RBFOX1: variants seen among roughly 807,000 people sequenced by gnomAD.
RBFOX1 encodes RNA binding fox-1 homolog 1.
RBFOX1 carries 8 observed loss-of-function variants against 57.7 expected under a neutral mutation model. That is an observed-to-expected ratio of 0.14 (90% CI 0.08 to 0.25). The LOEUF (loss-of-function observed/expected upper bound fraction) is 0.25. Ranked by LOEUF, RBFOX1 falls within the 10% of genes least tolerant of loss-of-function variation. The probability of loss-of-function intolerance (pLI) is 1.00; values close to 1 mark genes in which losing one functional copy is unlikely to be tolerated. For synonymous variants in RBFOX1, 326 were observed against 222.4 expected, an observed-to-expected ratio of 1.47 and a Z score of -4.15; for missense variants, 611 against 548.5, an observed-to-expected ratio of 1.11 and a Z score of -1.14.
In RBFOX1 at chr16:6,832,728, C is replaced by G. The variant is rs543856709; in HGVS notation, c.-16+178078C>G. On this transcript the variant is annotated intron_variant, in intron 3 of 15. Transcript: ENST00000550418. ...CCCTTTTTCCATTACTGGGAAGGGT[C>G]TATCTTTGCAGCTCTCTGTAACTGT... Among the ~76,000 whole-genome samples, 5 of 152,336 alleles carry G rather than the reference C, an allele frequency of 3.3e-5. No homozygotes were observed. In the South Asian group the frequency reaches 8.3e-4, roughly 25 times the overall value.
In RBFOX1 at chr16:5,551,890, G is replaced by A. The variant is rs188958131; in HGVS notation, c.259-47012G>A. 1.5e-4 allele frequency among the ~76,000 whole-genome samples: 23 copies of A among 151,926 alleles called. No individual in the cohort carries two copies. The East Asian group carries it at 3.7e-3, about 24-fold the overall frequency. On this transcript the variant is annotated intron_variant, in intron 2 of 2. Coordinates refer to the RBFOX1 transcript ENST00000585867. ...CCACTTATGAGTGAGAATATGCGGT[G>A]TTTGGTTTTCTGTTCCTGTGTGAGT...
chr16:6,351,234 A>C (rs957386901), intron 2 of RBFOX1, among the ~76,000 whole-genome samples: 3 of 151,044 alleles, frequency 2.0e-5, no homozygotes, highest in African/African-American at 7.3e-5. Context: ...CTGTGTAATT[A>C]TATATATGCA....
At chr16:6,835,806 T>C (rs1249769377) in intron 3 of RBFOX1, among the ~76,000 whole-genome samples, 1 of 141,552 alleles carries the variant, frequency 7.1e-6, no homozygotes, top group African/African-American at 2.6e-5. Flanking sequence ...TAGCTCTAAA[T>C]CGGTGTCCTG....
At chr16:6,497,247 C>T (rs2095796840) in intron 2 of RBFOX1, among the ~76,000 whole-genome samples, 1 of 152,186 alleles carries the variant, frequency 6.6e-6, no homozygotes, top group Non-Finnish European at 1.5e-5. Context: ...AGAGGAGGAG[C>T]TTGTGAGGTG....
intron 2 of RBFOX1, among the ~76,000 whole-genome samples, chr16:6,492,443 C>A (rs1273152568): frequency 6.6e-6 from 1 of 152,138 alleles, no homozygotes; most frequent in African/African-American, 2.4e-5. Flanking sequence ...TGGCAGGTGC[C>A]TGTTAGTCCC....
At chr16:5,545,818 T>G (rs2045174415) in intron 2 of RBFOX1, among the ~76,000 whole-genome samples, 1 of 152,162 alleles carries the variant, frequency 6.6e-6, no homozygotes, top group Non-Finnish European at 1.5e-5. Context: ...CACACTGTAG[T>G]GGAATAAGTC....
At chr16:5,861,494 G>A (rs1358856606) in intron 3 of RBFOX1, among the ~76,000 whole-genome samples, 2 of 152,248 alleles carry the variant, frequency 1.3e-5, no homozygotes, top group Non-Finnish European at 2.9e-5. Context: ...TCACGTGGAA[G>A]AGATCTGTTA....
intron 3 of RBFOX1, among the ~76,000 whole-genome samples, chr16:6,683,912 C>T (rs1468151400): frequency 6.6e-6 from 1 of 152,138 alleles, no homozygotes; most frequent in Non-Finnish European, 1.5e-5. Context: ...AGAGGGAGAT[C>T]GCATATGTGA....
intron 1 of RBFOX1, among the ~76,000 whole-genome samples, chr16:5,325,616 C>A (rs962199589): frequency 1.3e-5 from 2 of 152,148 alleles, no homozygotes. Context: ...CACTGATGAT[C>A]CACTCATCTG....
At chr16:6,189,111 C>A (rs2097126056) in intron 1 of RBFOX1, among the ~76,000 whole-genome samples, 1 of 152,216 alleles carries the variant, frequency 6.6e-6, no homozygotes, top group Non-Finnish European at 1.5e-5. Flanking sequence ...CATTCTAAAC[C>A]ACCAAATGGT....
At chr16:7,253,436 G>T (rs1424645698) in intron 4 of RBFOX1, among the ~76,000 whole-genome samples, 2 of 152,028 alleles carry the variant, frequency 1.3e-5, no homozygotes, top group Non-Finnish European at 2.9e-5. Context: ...TTGTCCTTAG[G>T]GTAAAGTCTG....
At chr16:6,057,940 G>C (rs899269199) in intron 1 of RBFOX1, among the ~76,000 whole-genome samples, 10 of 150,766 alleles carry the variant, frequency 6.6e-5, no homozygotes, top group African/African-American at 2.4e-4. Flanking sequence ...TGATGGTGAG[G>C]TCAAAGATGA....
At chr16:7,429,070 T>A (rs890482568) in intron 4 of RBFOX1, among the ~76,000 whole-genome samples, 1 of 152,170 alleles carries the variant, frequency 6.6e-6, no homozygotes, top group African/African-American at 2.4e-5. Context: ...TGGAAATGAA[T>A]GTGTGGAAGT....
intron 1 of RBFOX1, among the ~76,000 whole-genome samples, chr16:6,273,810 C>G (rs140879501): frequency 0.025 from 3,797 of 152,128 alleles, 103 homozygotes; most frequent in Non-Finnish European, 0.034. Context: ...AGCCATGTAT[C>G]TGACAAAGGA....
intron 4 of RBFOX1, among the ~76,000 whole-genome samples, chr16:7,088,629 A>T (rs374666983): frequency 1.3e-5 from 2 of 152,172 alleles, no homozygotes; most frequent in East Asian, 3.8e-4. Flanking sequence ...CTCTTGAAGC[A>T]AGAAAAAAAT....
At chr16:5,808,310 T>A (rs1198485914) in intron 3 of RBFOX1, among the ~76,000 whole-genome samples, 3 of 152,232 alleles carry the variant, frequency 2.0e-5, no homozygotes, top group African/African-American at 7.2e-5. Flanking sequence ...CATGCTGTTT[T>A]GGTTACTGTA....
chr16:7,354,959 G>A (rs538028132), intron 4 of RBFOX1, among the ~76,000 whole-genome samples: 17 of 152,154 alleles, frequency 1.1e-4, no homozygotes, highest in South Asian at 2.1e-4. Flanking sequence ...AAGCAAATTC[G>A]AATGCTGAAA....
At chr16:6,809,100 A>G (rs2087730083) in intron 3 of RBFOX1, among the ~76,000 whole-genome samples, 1 of 152,172 alleles carries the variant, frequency 6.6e-6, no homozygotes, top group East Asian at 1.9e-4. Context: ...TAAGTGTTCA[A>G]AAAAGGCAAA....
At chr16:6,427,921 A>G (rs1458019593) in intron 2 of RBFOX1, among the ~76,000 whole-genome samples, 1 of 152,142 alleles carries the variant, frequency 6.6e-6, no homozygotes, top group East Asian at 1.9e-4. Flanking sequence ...GTAAAATGGA[A>G]TAATAAGGAT....
Sources: allele counts gnomAD v4.1 joint callset (sites outside exome capture counted in the v4.1 genomes callset), GRCh38; gene constraint gnomAD v4.1.1; transcripts MANE v1.5; gene names NCBI Gene and HGNC (gene_info 2026-07-23, HGNC 2026-07-21).